Variants in RNFT2 observed in about 807,000 individuals in gnomAD.
RNFT2 encodes E3 ubiquitin-protein ligase RNFT2.
RNFT2 carries 36 observed loss-of-function variants against 53.0 expected under a neutral mutation model. The ratio of observed to expected loss-of-function variants is 0.68; its 90% CI spans 0.52 to 0.90. The LOEUF is 0.90. Among genes scored for constraint, RNFT2 ranks in the 40% least tolerant of loss-of-function variants. RNFT2 has a pLI of 0.00. For missense variants in RNFT2, 514 were observed against 585.6 expected (o/e 0.88, Z 1.26); for synonymous variants, 260 against 253.2 (o/e 1.03, Z -0.26).
intron 10 of RNFT2, among the ~76,000 whole-genome samples, chr12:116,845,570 G>A (rs1319854454): frequency 6.6e-6 from 1 of 152,146 alleles, no homozygotes; most frequent in African/African-American, 2.4e-5. Flanking sequence ...TTGGAAGGCT[G>A]TGAATAAGCC....
chr12:116,849,845 C>CTTCCT lies in RNFT2; in HGVS notation c.*399_*400insCCTTT, dbSNP rs71099005. ...CCCTCCCTCCTTCCTTCCTTCCTTC[C>CTTCCT]TTTTTTTTTTTTTTTTAAAACAAGG... On this transcript the variant is annotated 3_prime_UTR_variant, in exon 11 of 11. Coordinates refer to ENST00000257575, the MANE Select transcript of RNFT2 (RefSeq NM_001382266.1). 7.6e-5 allele frequency: 6 copies of CTTCCT among 78,976 alleles called. No individual in the cohort carries two copies. Among genetic ancestry groups the CTTCCT allele is most frequent in the Non-Finnish European group, 1.0e-4 (5 of 48,288 alleles). The allele number at this position is 78,976 out of a possible 1,614,324, so 4.9% of individuals were successfully genotyped here. A position where few individuals can be genotyped will look rare whatever the true frequency, so the allele number is the denominator to read the frequency against.
intron 7 of RNFT2, among the ~76,000 whole-genome samples, chr12:116,825,209 T>C (rs1592981236): frequency 1.3e-5 from 2 of 152,190 alleles, no homozygotes; most frequent in African/African-American, 4.8e-5. Context: ...CCCTTCCACA[T>C]GTCCTCTTCA....
rs1261450247 is a variant in RNFT2, at chr12:116,851,873, T to G, written c.*2425T>G. On this transcript the variant is annotated 3_prime_UTR_variant, in exon 11 of 11. Coordinates refer to ENST00000257575, the MANE Select transcript of RNFT2 (RefSeq NM_001382266.1). ...TCTTTATGTCTTTCTCCTCTTCCTA[T>G]TCTGTCATCTCCCTCACTTAAGTCT... 6.5e-7 allele frequency: 1 copy of G among 1,533,562 alleles called. No homozygotes were observed. The highest frequency in any genetic ancestry group is 8.7e-7 in the Non-Finnish European group (1 of 1,144,252). 95.0% of individuals were successfully genotyped at this position (1,533,562 alleles called of 1,614,324 possible). A position where few individuals can be genotyped will look rare whatever the true frequency, so the allele number is the denominator to read the frequency against.
At chr12:116,779,497 C>T (rs1873594722) in intron 7 of RNFT2, 149 bp downstream of exon 7, 1 of 821,056 alleles carries the variant, frequency 1.2e-6, no homozygotes, top group Non-Finnish European at 1.9e-6. Flanking sequence ...CTCCTGTCAC[C>T]CACCTCTTCT....
At chr12:116,825,859 C>A (rs1012831396) in intron 7 of RNFT2, among the ~76,000 whole-genome samples, 2 of 152,124 alleles carry the variant, frequency 1.3e-5, no homozygotes, top group Non-Finnish European at 2.9e-5. Flanking sequence ...ATAGATGTGA[C>A]CTTAGAATCC....
intron 3 of RNFT2, among the ~76,000 whole-genome samples, chr12:116,743,290 G>T (rs1871733405): frequency 8.7e-6 from 1 of 114,622 alleles, no homozygotes; most frequent in Non-Finnish European, 1.8e-5. Flanking sequence ...TTTTTGAGAT[G>T]GAGTCTTGCT....
At chr12:116,765,500 T>G (rs1257864290) in intron 5 of RNFT2, among the ~76,000 whole-genome samples, 2 of 152,170 alleles carry the variant, frequency 1.3e-5, no homozygotes, top group Non-Finnish European at 2.9e-5. Flanking sequence ...GGGAAAGTTA[T>G]GACCTCATCT....
At chr12:116,744,169 C>T (rs770022220) in intron 3 of RNFT2, among the ~76,000 whole-genome samples, 13 of 143,922 alleles carry the variant, frequency 9.0e-5, no homozygotes, top group East Asian at 2.0e-4. Context: ...GAGGCTGCAA[C>T]GAGCAGAGAT....
At chr12:116,812,226 A>G (rs958323174) in intron 7 of RNFT2, among the ~76,000 whole-genome samples, 1 of 152,172 alleles carries the variant, frequency 6.6e-6, no homozygotes, top group African/African-American at 2.4e-5. Context: ...ACACAGACTT[A>G]TTCCCTGCTG....
chr12:116,740,616 A>C, intron 2 of RNFT2, 95 bp downstream of exon 2: 1 of 1,094,098 alleles, frequency 9.1e-7, no homozygotes, highest in Non-Finnish European at 1.4e-6. Context: ...CACCCCTCCC[A>C]TGTAACACAT....
chr12:116,834,141 T>G (rs1422173707), intron 8 of RNFT2, among the ~76,000 whole-genome samples, 200 bp downstream of exon 8: 1 of 152,156 alleles, frequency 6.6e-6, no homozygotes, highest in Non-Finnish European at 1.5e-5. Context: ...ATTTTTGAGA[T>G]AGAGTCTCAC....
intron 1 of RNFT2, 97 bp from the exon 2 acceptor site, chr12:116,740,248 G>A: frequency 4.5e-6 from 2 of 442,722 alleles, no homozygotes; most frequent in Non-Finnish European, 8.3e-6. Flanking sequence ...TGAGCAGATG[G>A]AATCATCTGC....
At chr12:116,830,444 C>T (rs1187929637) in intron 7 of RNFT2, among the ~76,000 whole-genome samples, 3 of 152,106 alleles carry the variant, frequency 2.0e-5, no homozygotes, top group Non-Finnish European at 4.4e-5. Context: ...CTCACCACCA[C>T]TCCCAGATAA....
chr12:116,742,729 G>A (rs902889645), intron 3 of RNFT2, among the ~76,000 whole-genome samples: 1 of 152,126 alleles, frequency 6.6e-6, no homozygotes, highest in Admixed American at 6.5e-5. Context: ...GATAACCTGA[G>A]TCCAGGAGTT....
chr12:116,797,449 C>G (rs1439258981), intron 7 of RNFT2, among the ~76,000 whole-genome samples: 1 of 151,742 alleles, frequency 6.6e-6, no homozygotes. Flanking sequence ...AATCCCAGTA[C>G]TTGGGAGACT....
Position 116,836,271 on chromosome 12 carries a change from C to T in RNFT2, c.1189C>T (p.Leu397Phe), listed in dbSNP as rs755224892. ...GGCCGAGTTCCGAGAGCCTCTGATT[C>T]TCCTGTGCCAGGTGAGCAGGGCTCA... Reference protein sequence around the residue: ...CQAEFREPLILLCQHVFCEEC... With the variant: ...CQAEFREPLIFLCQHVFCEEC... The change falls in exon 10 of 11, where the codon CTC (leucine) becomes TTC (phenylalanine). Residue 397 changes from leucine to phenylalanine, a missense_variant. Leu to Phe is a conservative substitution (Grantham distance 22). This residue lies in a region of RNFT2 where 273 missense variants were observed against 334.4 expected (regional missense o/e 0.82). Coordinates refer to ENST00000257575, the MANE Select transcript of RNFT2 (RefSeq NM_001382266.1). The T allele has an allele frequency of 6.4e-7, 1 of 1,574,066 alleles. No individual in the cohort carries two copies. The highest frequency in any genetic ancestry group is 8.6e-7 in the Non-Finnish European group (1 of 1,159,734).
intron 7 of RNFT2, among the ~76,000 whole-genome samples, chr12:116,787,350 G>A (rs1052269375): frequency 1.3e-5 from 2 of 152,188 alleles, no homozygotes; most frequent in African/African-American, 4.8e-5. Flanking sequence ...GTCGCTTAAT[G>A]TGAGCATTTT....
At chr12:116,785,637 C>T (rs1035284292) in intron 7 of RNFT2, among the ~76,000 whole-genome samples, 1 of 152,104 alleles carries the variant, frequency 6.6e-6, no homozygotes, top group East Asian at 1.9e-4. Context: ...CTGTAAGACC[C>T]GGCCCAGCAC....
chr12:116,832,639 G>T (rs1478206426), intron 7 of RNFT2, among the ~76,000 whole-genome samples: 1 of 152,120 alleles, frequency 6.6e-6, no homozygotes, highest in Non-Finnish European at 1.5e-5. Flanking sequence ...TACAGAGTGG[G>T]TGTATTTTCA....
Sources: allele counts gnomAD v4.1 joint callset (sites outside exome capture counted in the v4.1 genomes callset), GRCh38; gene constraint gnomAD v4.1.1; regional missense constraint gnomAD v4.1.1; transcripts MANE v1.5; gene names NCBI Gene and HGNC (gene_info 2026-07-23, HGNC 2026-07-21).